ZNF208: variants seen among roughly 807,000 people sequenced by gnomAD.
ZNF208 encodes zinc finger protein 208.
ZNF208 carries 10 observed loss-of-function variants against 12.1 expected under a neutral mutation model. That is an observed-to-expected ratio of 0.83 (90% confidence interval 0.51 to 1.40). ZNF208 has a LOEUF of 1.40. Among genes scored for constraint, ZNF208 ranks in the 40% most tolerant of loss-of-function variants. The pLI, the probability that ZNF208 is intolerant of heterozygous loss-of-function variation, is 0.00. For synonymous variants in ZNF208, 497 were observed against 488.4 expected (o/e 1.02, Z -0.23); for missense variants, 1,652 against 1,485.0 (o/e 1.11, Z -1.85).
downstream of ZNF208, among the ~76,000 whole-genome samples, chr19:21,961,757 CA>C (rs1315687530): frequency 2.6e-5 from 4 of 151,482 alleles, no homozygotes; most frequent in Non-Finnish European, 4.4e-5. Context: ...TCCCTACTTG[CA>C]TGTCCATTTG....
intron 1 of ZNF208, among the ~76,000 whole-genome samples, chr19:22,008,113 G>A (rs1220921011): frequency 6.6e-6 from 1 of 151,160 alleles, no homozygotes; most frequent in Non-Finnish European, 1.5e-5. Flanking sequence ...GAACAGCCTG[G>A]TCAATATGGT....
At chr19:21,961,303 G>A (rs2145528122), downstream of ZNF208, among the ~76,000 whole-genome samples, 1 of 152,312 alleles carries the variant, frequency 6.6e-6, no homozygotes, top group Admixed American at 6.5e-5. Context: ...TTCAAAAGGG[G>A]AGGGGGTGTA....
intron 3 of ZNF208, among the ~76,000 whole-genome samples, chr19:21,984,256 T>G (rs1207420634): frequency 6.6e-6 from 1 of 152,014 alleles, no homozygotes; most frequent in Admixed American, 6.6e-5. Context: ...AGAAAAAAAC[T>G]GAAAACAAAA....
intron 4 of ZNF208, among the ~76,000 whole-genome samples, chr19:21,950,445 C>A: frequency 6.6e-6 from 1 of 151,332 alleles, no homozygotes; most frequent in African/African-American, 2.4e-5. Flanking sequence ...TTTCTTCTAG[C>A]TATGCTTGTT....
rs1970207188 is a variant in ZNF208, at chr19:21,968,237, G to A, written c.*2954C>T. 6.6e-6 allele frequency: 1 copy of A among 151,846 alleles called. No individual in the cohort carries two copies. Among genetic ancestry groups the A allele is most frequent in the African/African-American group, 2.4e-5 (1 of 41,352 alleles). The allele number at this position is 151,846 out of a possible 1,614,324, so 9.4% of individuals were successfully genotyped here. ...TGGATTCCTTTTATTCTCTGGCTAGGATTTCATAACTTCAATAGGACTGTT... is the reference window on the plus strand; with the variant it reads ...TGGATTCCTTTTATTCTCTGGCTAGAATTTCATAACTTCAATAGGACTGTT... On this transcript the variant is annotated 3_prime_UTR_variant, in exon 4 of 4. Coordinates refer to ENST00000397126, the MANE Select transcript of ZNF208 (RefSeq NM_007153.3).
Position 21,974,725 on chromosome 19 carries a change from A to C in ZNF208, c.309T>G (p.Tyr103Ter), listed in dbSNP as rs772471432. The change falls in exon 4 of 4, where the codon TAT (tyrosine) becomes TAG (stop). Residue 103 changes from tyrosine to a stop codon, truncating the protein, a stop_gained. Coordinates refer to ENST00000397126, the MANE Select transcript of ZNF208 (RefSeq NM_007153.3). LOFTEE classifies it low-confidence loss of function (END_TRUNC). The stretch of plus-strand genomic sequence containing the variant: ...GTAAATTCTCATGTCCACATTTTTC[A>C]TACCTTCTCAATATCACTTTTTGGA... The part of the protein sequence containing the change: ...DSFQKVILRR[Y>*]EKCGHENLHL... The C allele has an allele frequency of 1.2e-6, 2 of 1,613,194 alleles. No homozygotes were observed. The highest frequency in any genetic ancestry group is 1.7e-6 in the Non-Finnish European group (2 of 1,179,606).
chr19:21,993,333 T>C (rs1970775107), intron 1 of ZNF208, among the ~76,000 whole-genome samples: 1 of 151,974 alleles, frequency 6.6e-6, no homozygotes, highest in Non-Finnish European at 1.5e-5. Flanking sequence ...AACTTAACTC[T>C]CATGAATGTA....
intron 4 of ZNF208, among the ~76,000 whole-genome samples, chr19:21,947,891 G>C (rs1969836815): frequency 6.6e-6 from 1 of 152,084 alleles, no homozygotes; most frequent in Non-Finnish European, 1.5e-5. Context: ...AGTCTTTTGG[G>C]CTGAGTGGAT....
rs1047348429 is a variant in ZNF208, at chr19:21,969,061, G to A, written c.*2130C>T. ...TAGCTGGGAGTGGCGGCGGGCGCCT[G>A]TAGTCCCAGCTAATTGGGAGGCTGA... On this transcript the variant is annotated 3_prime_UTR_variant, in exon 4 of 4. Coordinates refer to ENST00000397126, the MANE Select transcript of ZNF208 (RefSeq NM_007153.3). Among the ~76,000 whole-genome samples, 2 of 152,088 alleles carry A rather than the reference G, an allele frequency of 1.3e-5. No homozygotes were observed. The highest frequency in any genetic ancestry group is 4.8e-5 in the African/African-American group (2 of 41,442).
chr19:22,009,443 T>C (rs1971103031), intron 1 of ZNF208: 1 of 152,138 alleles, frequency 6.6e-6, no homozygotes, highest in Non-Finnish European at 1.5e-5. Flanking sequence ...TAGTTTCTAA[T>C]TTCTACTTTT....
chr19:21,946,945 T>TC (rs959177982), intron 4 of ZNF208, among the ~76,000 whole-genome samples: 1 of 151,346 alleles, frequency 6.6e-6, no homozygotes, highest in African/African-American at 2.4e-5. Context: ...CTTCCAGTCT[T>TC]TTTTTTTTCA....
Position 21,971,177 on chromosome 19 carries a change from C to G in ZNF208, c.*14G>C, listed in dbSNP as rs1436870100. The G allele has an allele frequency of 1.2e-6, 2 of 1,612,088 alleles. No individual in the cohort carries two copies. On this transcript the variant is annotated 3_prime_UTR_variant, in exon 4 of 4. Coordinates refer to ENST00000397126, the MANE Select transcript of ZNF208 (RefSeq NM_007153.3). ...TGAGGGCCACTTATAGGCTTTGCCACATTCTTCACATTTCTAGAGTTTCTC... is the reference window on the plus strand; with the variant it reads ...TGAGGGCCACTTATAGGCTTTGCCAGATTCTTCACATTTCTAGAGTTTCTC...
At position 21,972,403 on chromosome 19, in the gene ZNF208, A is replaced by G. The variant is rs1305558936; in HGVS notation, c.2631T>C (p.Ser877=). The change falls in exon 4 of 4, where the codon AGT becomes AGC. Residue 877 remains serine (S), a synonymous_variant. Transcript: ENST00000397126. ...GKAYKWPSTL[S]YHKKIHTGEK... is the part of the protein sequence containing the mutation. ...CTCCAGTATGAATTTTCTTATGATA[A>G]CTAAGGGTTGAGGGCCATTTATAGG... 6.2e-7 allele frequency: 1 copy of G among 1,612,214 alleles called. No individual in the cohort carries two copies. The highest frequency in any genetic ancestry group is 1.3e-5 in the African/African-American group (1 of 74,816).
At chr19:21,979,460 T>G (rs1473733105) in intron 3 of ZNF208, among the ~76,000 whole-genome samples, 2 of 152,116 alleles carry the variant, frequency 1.3e-5, no homozygotes, top group Non-Finnish European at 2.9e-5. Flanking sequence ...AACCAAGAAT[T>G]TCACATCCAG....
chr19:21,949,146 G>A (rs1969856666), intron 4 of ZNF208, among the ~76,000 whole-genome samples: 1 of 152,178 alleles, frequency 6.6e-6, no homozygotes, highest in Admixed American at 6.5e-5. Context: ...TATTACTTAG[G>A]CAGGCTCTAA....
intron 3 of ZNF208, among the ~76,000 whole-genome samples, chr19:21,978,938 T>C (rs182549057): frequency 5.2e-4 from 79 of 151,988 alleles, no homozygotes; most frequent in Non-Finnish European, 9.4e-4. Flanking sequence ...CATACACAAA[T>C]GTCAACAGCT....
At chr19:21,997,344 C>T (rs1970855567) in intron 1 of ZNF208, among the ~76,000 whole-genome samples, 1 of 152,222 alleles carries the variant, frequency 6.6e-6, no homozygotes, top group Non-Finnish European at 1.5e-5. Flanking sequence ...AAACTTTTCA[C>T]ATCTTCATGA....
Position 21,999,685 on chromosome 19 carries a change from T to C in ZNF208, c.4-10776A>G, listed in dbSNP as rs1193370448. Among the ~76,000 whole-genome samples the C allele has an allele frequency of 6.6e-5, 10 of 152,000 alleles. 1 individual carries two copies. Among genetic ancestry groups the C allele is most frequent in the Admixed American group, 6.6e-4 (10 of 15,246 alleles). On this transcript the variant is annotated intron_variant, in intron 1 of 3. Coordinates refer to ENST00000397126, the MANE Select transcript of ZNF208 (RefSeq NM_007153.3). ...ACTAAAGACAAAAAAAAAACCAATA[T>C]TTTGCCAAGACAAAAAGAAAGCAAT...
chr19:21,973,959 G>A lies in ZNF208; in HGVS notation c.1075C>T (p.His359Tyr), dbSNP rs751270147. ...AFSKFSILTK[H>Y]KVIHTGEKPY... ...TTCTCTCCAGTATGAATTACCTTATGTTTAGTAAGGATTGAGAACTTACTA... is the reference window on the plus strand; with the variant it reads ...TTCTCTCCAGTATGAATTACCTTATATTTAGTAAGGATTGAGAACTTACTA... Residue 359 changes from histidine (H) to tyrosine (Y), a missense_variant, in exon 4 of 4, where the codon CAT (histidine) becomes TAT (tyrosine). By Grantham distance (83) the His-to-Tyr change is moderately conservative. Transcript: ENST00000397126. 10 of 1,613,226 alleles carry A rather than the reference G, an allele frequency of 6.2e-6. No homozygotes were observed. The East Asian group carries it at 2.2e-4, about 36-fold the overall frequency.
Sources: gnomAD v4.1 joint callset for allele counts (sites outside exome capture counted in the v4.1 genomes callset) on GRCh38, gnomAD v4.1.1 for gene constraint, MANE v1.5 for transcripts, NCBI Gene and HGNC (gene_info 2026-07-23, HGNC 2026-07-21) for gene names.